Variants in BICD1 observed in about 807,000 individuals in gnomAD.
The protein encoded by BICD1 is BICD cargo adaptor 1, also known as protein bicaudal D homolog 1.
Under a neutral mutation model 92.5 loss-of-function variants are expected in BICD1, and 35 were observed. That is an observed-to-expected ratio of 0.38 (90% CI 0.29 to 0.50). The LOEUF is 0.50. BICD1 is among the 20% of genes least tolerant of loss of function. The pLI is 0.93. For synonymous variants in BICD1, 429 were observed against 465.1 expected, an observed-to-expected ratio of 0.92 and a Z score of 1.00; for missense variants, 950 against 1,189.8, an observed-to-expected ratio of 0.80 and a Z score of 2.97.
intron 2 of BICD1, among the ~76,000 whole-genome samples, chr12:32,270,060 G>A (rs1947097237): frequency 6.7e-6 from 1 of 150,348 alleles, no homozygotes; most frequent in Non-Finnish European, 1.5e-5. Flanking sequence ...GGCGGATGTT[G>A]CAGTGAGCCA....
intron 2 of BICD1, among the ~76,000 whole-genome samples, chr12:32,287,739 G>T (rs138730833): frequency 3.3e-5 from 5 of 152,112 alleles, no homozygotes; most frequent in Non-Finnish European, 7.4e-5. Flanking sequence ...AGGTTTCACC[G>T]TGTTAGCCAG....
chr12:32,210,290 C>T (rs1465515859), intron 1 of BICD1, among the ~76,000 whole-genome samples: 6 of 152,024 alleles, frequency 3.9e-5, no homozygotes. Context: ...TGTCTAATGT[C>T]CCTGGGTGAC....
chr12:32,151,299 C>A (rs1012400766), intron 1 of BICD1, among the ~76,000 whole-genome samples: 6 of 152,192 alleles, frequency 3.9e-5, no homozygotes, highest in African/African-American at 1.4e-4. Context: ...CAGTCACTTT[C>A]CTTCTTTCTT....
At chr12:32,293,849 C>A in intron 2 of BICD1, 145 bp from the exon 3 acceptor site, 2 of 715,868 alleles carry the variant, frequency 2.8e-6, no homozygotes, top group Non-Finnish European at 2.2e-6. Flanking sequence ...TTGACAGATA[C>A]CACTAAATTG....
intron 3 of BICD1, among the ~76,000 whole-genome samples, chr12:32,300,286 G>T (rs965335688): frequency 6.6e-6 from 1 of 151,874 alleles, no homozygotes; most frequent in Non-Finnish European, 1.5e-5. Flanking sequence ...GTATTTTTTA[G>T]TAGAGACGGT....
chr12:32,165,491 G>A (rs1475008346), intron 1 of BICD1, among the ~76,000 whole-genome samples: 2 of 152,024 alleles, frequency 1.3e-5, no homozygotes, highest in Non-Finnish European at 2.9e-5. Context: ...ACTCCAGCCT[G>A]GGCGACAGAG....
chr12:32,200,803 A>T (rs1015316086), intron 1 of BICD1, among the ~76,000 whole-genome samples: 3 of 152,234 alleles, frequency 2.0e-5, no homozygotes, highest in African/African-American at 7.2e-5. Context: ...CAAGTGAAAG[A>T]TCACATTACT....
intron 1 of BICD1, among the ~76,000 whole-genome samples, chr12:32,186,654 A>C (rs1944430182): frequency 6.6e-6 from 1 of 152,250 alleles, no homozygotes; most frequent in African/African-American, 2.4e-5. Context: ...GCAGAAAACC[A>C]AATGGTGGAA....
intron 8 of BICD1, among the ~76,000 whole-genome samples, chr12:32,356,461 T>G (rs1323963774): frequency 3.3e-5 from 5 of 151,736 alleles, no homozygotes; most frequent in Non-Finnish European, 5.9e-5. Flanking sequence ...AGAGCAGCCT[T>G]GGCAACATGG....
At chr12:32,293,399 C>T (rs1019989283) in intron 2 of BICD1, among the ~76,000 whole-genome samples, 1 of 152,006 alleles carries the variant, frequency 6.6e-6, no homozygotes, top group Non-Finnish European at 1.5e-5. Flanking sequence ...CTCACTGCAA[C>T]CTCCGCATCC....
intron 1 of BICD1, among the ~76,000 whole-genome samples, chr12:32,185,098 A>G (rs1944393066): frequency 1.3e-5 from 2 of 152,188 alleles, no homozygotes; most frequent in Admixed American, 6.5e-5. Flanking sequence ...CAGGGGAAGC[A>G]GAGACTCTGC....
intron 1 of BICD1, among the ~76,000 whole-genome samples, chr12:32,163,882 T>C (rs931330045): frequency 7.2e-5 from 11 of 152,218 alleles, no homozygotes; most frequent in Admixed American, 5.9e-4. Flanking sequence ...TCATTTCACA[T>C]GTGTAAGAGA....
At chr12:32,202,327 C>G (rs903070970) in intron 1 of BICD1, among the ~76,000 whole-genome samples, 1 of 152,160 alleles carries the variant, frequency 6.6e-6, no homozygotes, top group Non-Finnish European at 1.5e-5. Context: ...GGGAAAAAAT[C>G]TGGAGGTCCT....
chr12:32,246,067 A>C (rs1946378291), intron 2 of BICD1, among the ~76,000 whole-genome samples: 1 of 149,636 alleles, frequency 6.7e-6, no homozygotes, highest in South Asian at 2.1e-4. Context: ...AAAAAGGATG[A>C]AATCACAACT....
chr12:32,327,396 A>G, intron 4 of BICD1, 65 bp from the exon 5 acceptor site: 1 of 1,520,458 alleles, frequency 6.6e-7, no homozygotes, highest in Non-Finnish European at 8.8e-7. Flanking sequence ...CCCGACTGTG[A>G]ATGGATTAAG....
chr12:32,367,988 C>T (rs1939589266), intron 9 of BICD1: 2 of 440,588 alleles, frequency 4.5e-6, no homozygotes, highest in Non-Finnish European at 8.2e-6. Flanking sequence ...CCTTCAGCCC[C>T]TTTGTCTGTG....
chr12:32,122,830 A>C (rs1236890785), intron 1 of BICD1, among the ~76,000 whole-genome samples: 1 of 152,236 alleles, frequency 6.6e-6, no homozygotes, highest in Non-Finnish European at 1.5e-5. Flanking sequence ...AAAAATCTTA[A>C]GATGTATTTA....
At chr12:32,336,679 A>G (rs1056023754) in intron 6 of BICD1, among the ~76,000 whole-genome samples, 1 of 152,236 alleles carries the variant, frequency 6.6e-6, no homozygotes, top group Non-Finnish European at 1.5e-5. Context: ...AAAGAATACA[A>G]TGTCATACAG....
intron 1 of BICD1, among the ~76,000 whole-genome samples, chr12:32,171,940 TACACAC>T (rs61038844): frequency 0.021 from 2,965 of 141,038 alleles, 52 homozygotes; most frequent in African/African-American, 0.044. Flanking sequence ...TCTCAAAAAA[TACACAC>T]ACACACACAC....
Sources: allele counts gnomAD v4.1 joint callset (sites outside exome capture counted in the v4.1 genomes callset), GRCh38; gene constraint gnomAD v4.1.1; transcripts MANE v1.5; gene names NCBI Gene and HGNC (gene_info 2026-07-23, HGNC 2026-07-21).